The following ENTPD6 variants were observed in gnomAD, a reference collection of about 807,000 sequenced individuals.
The protein encoded by ENTPD6 is ectonucleoside triphosphate diphosphohydrolase 6, also known as CD39 antigen-like 2.
ENTPD6 carries 46 observed loss-of-function variants against 61.5 expected under a neutral mutation model. That is an observed-to-expected ratio of 0.75 (90% CI 0.59 to 0.96). ENTPD6 has a LOEUF of 0.96. Ranked by LOEUF, ENTPD6 falls within the 40% of genes least tolerant of loss-of-function variation. The pLI, the probability that ENTPD6 is intolerant of heterozygous loss-of-function variation, is 0.00. For missense variants in ENTPD6, 612 were observed against 629.0 expected (o/e 0.97, Z 0.29); for synonymous variants, 252 against 255.5 (o/e 0.99, Z 0.13).
At chr20:25,224,478 C>G in intron 13 of ENTPD6, 1 of 202,856 alleles carries the variant, frequency 4.9e-6, no homozygotes, top group Non-Finnish European at 9.9e-6. Context: ...CAGAATGGAG[C>G]CTGGGATGTG....
chr20:25,223,636 T>C (rs2092709093), intron 12 of ENTPD6, among the ~76,000 whole-genome samples: 1 of 151,070 alleles, frequency 6.6e-6, no homozygotes, highest in Admixed American at 6.6e-5. Flanking sequence ...TGGGCCTGGG[T>C]GGAAGGTGGG....
chr20:25,224,164 G>A lies in ENTPD6; in HGVS notation c.1243+7G>A. On this transcript the variant is annotated splice_region_variant and intron_variant, in intron 13 of 14. Transcript: ENST00000376652. ...GAGATCGCAGCCAAGTACGGTGAGT[G>A]ATGCTGCAGGGGCCATCTCAGCAGG... is the stretch of plus-strand genomic sequence containing the variant. 6.2e-7 allele frequency: 1 copy of A among 1,611,218 alleles called. No homozygotes were observed. Among genetic ancestry groups the A allele is most frequent in the Non-Finnish European group, 8.5e-7 (1 of 1,178,674 alleles).
At chr20:25,214,828 CA>C (rs1685454042) in intron 5 of ENTPD6, 38 bp from the exon 6 acceptor site, 4 of 1,151,342 alleles carry the variant, frequency 3.5e-6, no homozygotes, top group East Asian at 4.7e-5. Context: ...TTCATTCATT[CA>C]TTCTAAAGGA....
intron 8 of ENTPD6, 21 bp downstream of exon 8, chr20:25,216,757 C>T: frequency 6.4e-7 from 1 of 1,563,516 alleles, no homozygotes; most frequent in Non-Finnish European, 8.7e-7. Flanking sequence ...CTGCCGACCA[C>T]AGCGCTCTTT....
rs2092783312 is a variant in ENTPD6, at chr20:25,225,856, C to A, written c.*259C>A. On this transcript the variant is annotated 3_prime_UTR_variant, in exon 15 of 15. Transcript: ENST00000376652. ...GGGCTCCAAGTGGGCAGGACCAGGA[C>A]AGAACCACAGGCACACACTGAGGGG... 2.2e-6 allele frequency: 1 copy of A among 450,404 alleles called. No individual in the cohort carries two copies. The highest frequency in any genetic ancestry group is 4.0e-6 in the Non-Finnish European group (1 of 251,378). 27.9% of individuals were successfully genotyped at this position (450,404 alleles called of 1,614,324 possible). A position where few individuals can be genotyped will look rare whatever the true frequency, so the allele number is the denominator to read the frequency against.
intron 4 of ENTPD6, among the ~76,000 whole-genome samples, chr20:25,210,414 G>A (rs971909268): frequency 2.0e-5 from 3 of 151,690 alleles, no homozygotes; most frequent in South Asian, 2.1e-4. Context: ...GGGAGGCTGG[G>A]GCAAGAGGAT....
intron 10 of ENTPD6, among the ~76,000 whole-genome samples, chr20:25,220,748 G>C (rs766703321): frequency 6.6e-6 from 1 of 152,248 alleles, no homozygotes; most frequent in Non-Finnish European, 1.5e-5. Context: ...TGCCATCCTC[G>C]AAAGGTGATA....
At position 25,217,591 on chromosome 20, in the gene ENTPD6, CGGGAACAGGCGTG is replaced by C. The variant is rs757588797; in HGVS notation, c.878+15_878+27del. On this transcript the variant is annotated intron_variant, in intron 9 of 14. Coordinates refer to ENST00000376652, the MANE Select transcript of ENTPD6 (RefSeq NM_001247.5). ...AGCTCTATTCCTACAGGTCTGCTTT[CGGGAACAGGCGTG>C]GGGAGGCGCCATGGGGTGGGTATGC... 2.6e-5 allele frequency: 42 copies of C among 1,613,440 alleles called. 1 individual carries two copies. The African/African-American group carries it at 5.5e-4, about 21-fold the overall frequency.
intron 1 of ENTPD6, among the ~76,000 whole-genome samples, chr20:25,201,230 C>T (rs899174033): frequency 2.0e-5 from 3 of 152,158 alleles, no homozygotes; most frequent in African/African-American, 7.2e-5. Flanking sequence ...TGTAGCCCAC[C>T]GTCTGGCGTT....
chr20:25,204,475 T>C (rs2091301086), intron 1 of ENTPD6, among the ~76,000 whole-genome samples: 1 of 151,802 alleles, frequency 6.6e-6, no homozygotes. Flanking sequence ...AAGCTTTATA[T>C]ATATATATAT....
At chr20:25,224,793 A>G (rs537780005) in intron 13 of ENTPD6, 1 of 190,576 alleles carries the variant, frequency 5.2e-6, no homozygotes, top group South Asian at 1.9e-4. Flanking sequence ...TTTGAGCAGA[A>G]TCCCAGGACA....
rs144390836 is a variant in ENTPD6 at position 25,218,540 on chromosome 20, A to C, written c.879-10A>C. 1 of 1,601,398 alleles carries C rather than the reference A, an allele frequency of 6.2e-7. No homozygotes were observed. Among genetic ancestry groups the C allele is most frequent in the Non-Finnish European group, 8.5e-7 (1 of 1,176,218 alleles). ...TGGCAGCTGCCCTCACTGAGGTGTC[A>C]TTCCCACAGCTACCTCGGGCTCGGG... On this transcript the variant is annotated splice_polypyrimidine_tract_variant and intron_variant, in intron 9 of 14. Coordinates refer to ENST00000376652, the MANE Select transcript of ENTPD6 (RefSeq NM_001247.5).
At chr20:25,221,487 G>T in intron 11 of ENTPD6, 154 bp downstream of exon 11, 1 of 710,710 alleles carries the variant, frequency 1.4e-6, no homozygotes, top group African/African-American at 1.7e-5. Context: ...AGGTGGTTTG[G>T]CTGCAGGGGC....
Position 25,225,700 on chromosome 20 carries a change from C to CTG in ENTPD6, c.*104_*105dup. 3 of 915,312 alleles carry CTG rather than the reference C, an allele frequency of 3.3e-6. No homozygotes were observed. The highest frequency in any genetic ancestry group is 5.1e-6 in the Non-Finnish European group (3 of 585,662). 56.7% of individuals were successfully genotyped at this position (915,312 alleles called of 1,614,324 possible). On this transcript the variant is annotated 3_prime_UTR_variant, in exon 15 of 15. Transcript: ENST00000376652. ...CTGAGGAGCCACAGCACAGGCCGTG[C>CTG]TGGCACTTTCTGCACACTGGCTCTG...
At position 25,225,188 on chromosome 20, in the gene ENTPD6, A is replaced by G. The variant is rs1358842386; in HGVS notation, c.1244-17A>G. Reference sequence around the variant, plus strand: ...TGGGAGTCACCTGGAGCGTGAAGGGACGTGTCTCATCCCCAGTGTGTCGGA... The same window carrying G: ...TGGGAGTCACCTGGAGCGTGAAGGGGCGTGTCTCATCCCCAGTGTGTCGGA... On this transcript the variant is annotated splice_polypyrimidine_tract_variant and intron_variant, in intron 13 of 14. Coordinates refer to ENST00000376652, the MANE Select transcript of ENTPD6 (RefSeq NM_001247.5). 5 of 1,606,510 alleles carry G rather than the reference A, an allele frequency of 3.1e-6. No homozygotes were observed. Among genetic ancestry groups the G allele is most frequent in the Non-Finnish European group, 3.4e-6 (4 of 1,177,088 alleles).
Position 25,225,584 on chromosome 20 carries a change from G to A in ENTPD6, c.1442G>A (p.Ser481Asn), listed in dbSNP as rs1225393232. The A allele has an allele frequency of 6.2e-7, 1 of 1,614,004 alleles. No individual in the cohort carries two copies. Among genetic ancestry groups the A allele is most frequent in the Non-Finnish European group, 8.5e-7 (1 of 1,179,894 alleles). ...ATCGACTCCCTGAACAGACAGAAGA[G>A]TCCAGCCTCATAGTGGCCGAGCCAT... Reference protein sequence around the residue: ...HYIDSLNRQKSPAS With the variant: ...HYIDSLNRQKNPAS The change falls in exon 15 of 15, where the codon AGT becomes AAT. Residue 481 changes from serine (S) to asparagine (N), a missense_variant. Ser to Asn is a conservative substitution (Grantham distance 46). Coordinates refer to ENST00000376652, the MANE Select transcript of ENTPD6 (RefSeq NM_001247.5).
intron 3 of ENTPD6, among the ~76,000 whole-genome samples, chr20:25,209,278 T>A (rs2091775647): frequency 6.6e-6 from 1 of 151,814 alleles, no homozygotes; most frequent in Non-Finnish European, 1.5e-5. Context: ...CCCAGCTAGT[T>A]TTTTTGTATT....
Position 25,207,391 on chromosome 20 carries a change from C to G in ENTPD6, c.370C>G (p.Pro124Ala). 2.6e-6 allele frequency: 4 copies of G among 1,527,606 alleles called. No homozygotes were observed. The highest frequency in any genetic ancestry group is 3.5e-6 in the Non-Finnish European group (4 of 1,134,084). The allele number at this position is 1,527,606 out of a possible 1,614,324, so 94.6% of individuals were successfully genotyped here. Residue 124 changes from proline (P) to alanine (A), a missense_variant, in exon 3 of 15, where the codon CCC becomes GCC. Physicochemically the swap from Pro to Ala is conservative, Grantham distance 27. Coordinates refer to ENST00000376652, the MANE Select transcript of ENTPD6 (RefSeq NM_001247.5). ...RVHVFQFTRP[P>A]RETPTLTHET... The stretch of plus-strand genomic sequence containing the variant: ...ACACGTCTTCCAGTTCACCCGGCCC[C>G]CCAGAGGTACCCGCCTCTCATGGCA...
chr20:25,211,596 A>C (rs1172041154), intron 4 of ENTPD6, among the ~76,000 whole-genome samples: 1 of 152,232 alleles, frequency 6.6e-6, no homozygotes, highest in Non-Finnish European at 1.5e-5. Flanking sequence ...GAGCAGGATA[A>C]TTAGAGAGCG....
Sources: gnomAD v4.1 joint callset for allele counts (sites outside exome capture counted in the v4.1 genomes callset) on GRCh38, gnomAD v4.1.1 for gene constraint, MANE v1.5 for transcripts, NCBI Gene and HGNC (gene_info 2026-07-23, HGNC 2026-07-21) for gene names.